PLB1: variants seen among roughly 807,000 people sequenced by gnomAD.
PLB1 encodes the protein phospholipase B1, membrane-associated.
PLB1 carries 242 observed loss-of-function variants against 227.4 expected under a neutral mutation model. The observed-to-expected ratio is 1.06, with a 90% CI of 0.96 to 1.18. PLB1 has a LOEUF of 1.18. Among genes scored for constraint, PLB1 ranks in the 50% most tolerant of loss-of-function variants. PLB1 has a pLI of 0.00. For missense variants in PLB1, 1,858 were observed against 1,816.3 expected, an observed-to-expected ratio of 1.02 and a Z score of -0.42; for synonymous variants, 757 against 682.2, an observed-to-expected ratio of 1.11 and a Z score of -1.71.
intron 46 of PLB1, among the ~76,000 whole-genome samples, chr2:28,619,651 A>G (rs964736327): frequency 6.6e-6 from 1 of 151,792 alleles, no homozygotes; most frequent in Non-Finnish European, 1.5e-5. Flanking sequence ...TCAGCATTCC[A>G]TGAGGGTATG....
intron 1 of PLB1, among the ~76,000 whole-genome samples, chr2:28,507,758 G>T (rs1413339620): frequency 6.6e-6 from 1 of 152,182 alleles, no homozygotes; most frequent in African/African-American, 2.4e-5. Context: ...TATGATATTG[G>T]ATATCTGTGG....
chr2:28,624,193 T>C (rs919752877), intron 49 of PLB1, among the ~76,000 whole-genome samples: 2 of 152,204 alleles, frequency 1.3e-5, no homozygotes, highest in Admixed American at 1.3e-4. Flanking sequence ...TCAGGCCCCT[T>C]GGTAATCTCT....
intron 44 of PLB1, among the ~76,000 whole-genome samples, chr2:28,614,390 A>C (rs1355235501): frequency 6.6e-6 from 1 of 152,162 alleles, no homozygotes; most frequent in Non-Finnish European, 1.5e-5. Flanking sequence ...TAGGCAGCTC[A>C]GCCTCTCAAG....
At chr2:28,515,843 C>G (rs1282218761) in intron 1 of PLB1, among the ~76,000 whole-genome samples, 3 of 152,150 alleles carry the variant, frequency 2.0e-5, no homozygotes, top group Admixed American at 6.5e-5. Context: ...ATCTCAGTAT[C>G]ATTAATGTAT....
At chr2:28,534,652 G>C (rs1019501146) in intron 9 of PLB1, among the ~76,000 whole-genome samples, 4 of 152,074 alleles carry the variant, frequency 2.6e-5, no homozygotes, top group Non-Finnish European at 4.4e-5. Flanking sequence ...TTAGGAGTTT[G>C]AGACCAGCCT....
chr2:28,633,398 C>T (rs1215053748), intron 56 of PLB1: 1 of 247,304 alleles, frequency 4.0e-6, no homozygotes, highest in African/African-American at 2.2e-5. Flanking sequence ...CCACCTGTAT[C>T]AACATCTATA....
chr2:28,620,769 C>A, intron 48 of PLB1, 110 bp from the exon 49 acceptor site: 2 of 1,515,338 alleles, frequency 1.3e-6, no homozygotes, highest in Non-Finnish European at 1.8e-6. Context: ...TGAAAAGCCC[C>A]AGAACTCCTG....
intron 56 of PLB1, 152 bp downstream of exon 56, chr2:28,633,191 C>G: frequency 1.6e-6 from 1 of 608,514 alleles, no homozygotes; most frequent in Non-Finnish European, 2.9e-6. Flanking sequence ...TAGATTAATT[C>G]CAAAGGGAAA....
intron 17 of PLB1, among the ~76,000 whole-genome samples, chr2:28,557,415 C>A (rs17741386): frequency 4.6e-5 from 7 of 152,146 alleles, no homozygotes; most frequent in Admixed American, 4.6e-4. Context: ...TAAAATCAGA[C>A]GGCAAATAGG....
At chr2:28,608,416 G>A (rs556632654) in intron 43 of PLB1, among the ~76,000 whole-genome samples, 2 of 152,266 alleles carry the variant, frequency 1.3e-5, no homozygotes, top group East Asian at 3.9e-4. Flanking sequence ...CAGGCAAGAC[G>A]CAGTGGGGGG....
intron 1 of PLB1, among the ~76,000 whole-genome samples, chr2:28,497,348 T>C (rs1470066513): frequency 6.6e-6 from 1 of 152,226 alleles, no homozygotes; most frequent in Non-Finnish European, 1.5e-5. Context: ...TATTCAGAGC[T>C]CGCTGTAGCG....
chr2:28,632,221 C>G, intron 55 of PLB1, 81 bp downstream of exon 55: 3 of 898,224 alleles, frequency 3.3e-6, no homozygotes, highest in Non-Finnish European at 5.0e-6. Flanking sequence ...TCTAAGTGGG[C>G]TTTTTTTTTT....
At chr2:28,604,622 C>T (rs1297035928) in intron 40 of PLB1, 33 bp from the exon 41 acceptor site, 3 of 1,594,486 alleles carry the variant, frequency 1.9e-6, no homozygotes, top group Non-Finnish European at 1.7e-6. Flanking sequence ...CCACCCAGGG[C>T]CTGGGCTGAA....
chr2:28,624,434 C>T (rs138484821), intron 49 of PLB1, among the ~76,000 whole-genome samples: 77 of 152,110 alleles, frequency 5.1e-4, no homozygotes, highest in African/African-American at 1.6e-3. Context: ...GCATTCATAT[C>T]GCTCATCCAG....
At chr2:28,567,526 CAG>C (rs370752446) in intron 20 of PLB1, among the ~76,000 whole-genome samples, 2,363 of 129,442 alleles carry the variant, frequency 0.018, 22 homozygotes, top group Middle Eastern at 0.081. Context: ...GGCTGGAGTG[CAG>C]AGTGGCGCCA....
rs143794008 is a variant in PLB1, at chr2:28,629,152, G to A, written c.3785G>A (p.Gly1262Asp). 1.5e-3 allele frequency: 2,351 copies of A among 1,613,854 alleles called. 2 individuals are homozygous for A. The highest frequency in any genetic ancestry group is 1.8e-3 in the Non-Finnish European group (2,136 of 1,179,884). The change falls in exon 53 of 58, where the codon GGC becomes GAC. Residue 1262 changes from glycine to aspartate, a missense_variant. Transcript: ENST00000327757. ...ATGGAGCTGGCTAGCCTGTACCAGG[G>A]CCAAGGCGGGAAATGTGCCATGCTG... ...EVMELASLYQ[G>D]QGGKCAMLAA...
At chr2:28,521,930 A>C (rs1669581311) in intron 4 of PLB1, among the ~76,000 whole-genome samples, 1 of 148,830 alleles carries the variant, frequency 6.7e-6, no homozygotes, top group African/African-American at 2.5e-5. Flanking sequence ...ATCCTCCCCC[A>C]TCCCTGCAGC....
chr2:28,553,216 C>T (rs969188562), intron 17 of PLB1, among the ~76,000 whole-genome samples: 2 of 152,190 alleles, frequency 1.3e-5, no homozygotes, highest in African/African-American at 4.8e-5. Flanking sequence ...TGTACCAGGC[C>T]ATGTTCTGCA....
At chr2:28,615,393 C>G (rs1686053061) in intron 44 of PLB1, among the ~76,000 whole-genome samples, 1 of 152,188 alleles carries the variant, frequency 6.6e-6, no homozygotes, top group South Asian at 2.1e-4. Context: ...TCACGTCTTT[C>G]AAAGATCTCC....
Sources: allele counts gnomAD v4.1 joint callset (sites outside exome capture counted in the v4.1 genomes callset), GRCh38; gene constraint gnomAD v4.1.1; transcripts MANE v1.5; gene names NCBI Gene and HGNC (gene_info 2026-07-23, HGNC 2026-07-21).